The following CCDC171 variants were observed in gnomAD, a reference collection of about 807,000 sequenced individuals.
CCDC171 encodes coiled-coil domain containing 171, also known as coiled-coil domain-containing protein 171.
CCDC171 carries 177 observed loss-of-function variants against 168.2 expected under a neutral mutation model. The ratio of observed to expected loss-of-function variants is 1.05; its 90% CI spans 0.93 to 1.19. The LOEUF (loss-of-function observed/expected upper bound fraction) is 1.19, where lower values mean the gene tolerates loss of function less well. CCDC171 is among the 50% of genes most tolerant of loss of function. The pLI is 0.00. For synonymous variants in CCDC171, 687 were observed against 540.8 expected (o/e 1.27, Z -3.75); for missense variants, 1,991 against 1,539.0 (o/e 1.29, Z -4.91).
chr9:15,738,801 G>T (rs547331490), intron 16 of CCDC171, among the ~76,000 whole-genome samples: 1 of 151,902 alleles, frequency 6.6e-6, no homozygotes, highest in Non-Finnish European at 1.5e-5. Flanking sequence ...AATTACATTT[G>T]GAAATTTTGT....
At chr9:16,071,588 C>G in the CCDC171 span, among the ~76,000 whole-genome samples, 1 of 152,250 alleles carries the variant, frequency 6.6e-6, no homozygotes, top group Admixed American at 6.5e-5. Flanking sequence ...GCGTCATGCA[C>G]AAGCACACGA....
rs1028127638 is a variant in CCDC171 at position 15,842,947 on chromosome 9, T to G, written c.3268-3755T>G. Among the ~76,000 whole-genome samples, 5 of 152,028 alleles carry G rather than the reference T, an allele frequency of 3.3e-5. No individual in the cohort carries two copies. In the East Asian group the frequency reaches 9.6e-4, roughly 29 times the overall value. ...TAAGAAAAAATACATTGAAAAAATG[T>G]GTGGGTCATTTAATATTCACATTTA... is the stretch of plus-strand genomic sequence containing the variant. On this transcript the variant is annotated intron_variant, in intron 21 of 25. Coordinates refer to ENST00000380701, the MANE Select transcript of CCDC171 (RefSeq NM_173550.4).
At chr9:16,079,871 T>C in the CCDC171 span, among the ~76,000 whole-genome samples, 247 of 152,326 alleles carry the variant, frequency 1.6e-3, 2 homozygotes, top group African/African-American at 5.7e-3. Flanking sequence ...TTTATTCCTC[T>C]TAAGAATCCT....
rs60437156 is a variant in CCDC171, at chr9:15,652,296, T to A, written c.823-4831T>A. Reference sequence around the variant, plus strand: ...CAGCATCATTTAATGAAAAGATGAATCTTTTCCATTGAGTGGTGATGGCAC... The same window carrying A: ...CAGCATCATTTAATGAAAAGATGAAACTTTTCCATTGAGTGGTGATGGCAC... On this transcript the variant is annotated intron_variant, in intron 7 of 25. Coordinates refer to ENST00000380701, the MANE Select transcript of CCDC171 (RefSeq NM_173550.4). Among the ~76,000 whole-genome samples the A allele has an allele frequency of 3.8e-3, 578 of 152,342 alleles. 2 individuals are homozygous for A. Among genetic ancestry groups the A allele is most frequent in the African/African-American group, 0.014 (564 of 41,590 alleles).
Position 15,860,936 on chromosome 9 carries a change from A to ATGTGTGTGTGTGTGTGTGTGTG in CCDC171, c.3468+11994_3468+12015dup, listed in dbSNP as rs770617574. 8.1e-3 allele frequency among the ~76,000 whole-genome samples: 1,172 copies of ATGTGTGTGTGTGTGTGTGTGTG among 144,220 alleles called. 25 individuals are homozygous for ATGTGTGTGTGTGTGTGTGTGTG. Among genetic ancestry groups the ATGTGTGTGTGTGTGTGTGTGTG allele is most frequent in the South Asian group, 0.043 (189 of 4,396 alleles). The allele number at this position is 144,220 out of a possible 152,430, so 94.6% of individuals were successfully genotyped here. On this transcript the variant is annotated intron_variant, in intron 23 of 25. Coordinates refer to ENST00000380701, the MANE Select transcript of CCDC171 (RefSeq NM_173550.4). ...ATATTTAGGTGCTCTGTTGTTAGGGATGTGTGTGTGTGTGTGTGTGTGTGT... is the reference window on the plus strand; with the variant it reads ...ATATTTAGGTGCTCTGTTGTTAGGGATGTGTGTGTGTGTGTGTGTGTGTGTGTGTGTGTGTGTGTGTGTGTGT...
At chr9:16,005,880 A>G (rs1832680163) in intron 3 of CCDC171, among the ~76,000 whole-genome samples, 2 of 152,024 alleles carry the variant, frequency 1.3e-5, no homozygotes, top group Admixed American at 1.3e-4. Flanking sequence ...TTTATGTTTA[A>G]CCATTTGAGA....
chr9:16,083,795 A>G, the CCDC171 span, among the ~76,000 whole-genome samples: 1 of 152,088 alleles, frequency 6.6e-6, no homozygotes, highest in Admixed American at 6.6e-5. Context: ...CATCTAAGAG[A>G]TATTATTTTG....
At chr9:15,834,478 A>G (rs1252827413) in intron 21 of CCDC171, among the ~76,000 whole-genome samples, 13 of 152,200 alleles carry the variant, frequency 8.5e-5, no homozygotes, top group Non-Finnish European at 8.8e-5. Context: ...CTGTTATATC[A>G]CATCACTACT....
At position 15,600,556 on chromosome 9, in the gene CCDC171, G is replaced by C. The variant is rs1270568014; in HGVS notation, c.675+6384G>C. On this transcript the variant is annotated intron_variant, in intron 6 of 25. Transcript: ENST00000380701. The stretch of plus-strand genomic sequence containing the variant: ...TGTCAGTCTGCCCCTACTCAGGGGT[G>C]CCTCCCAGTTAGGCTACTCGGGGGT... 2.6e-5 allele frequency among the ~76,000 whole-genome samples: 4 copies of C among 152,144 alleles called. 1 individual carries two copies. The East Asian group carries it at 7.7e-4, about 29-fold the overall frequency.
chr9:15,623,367 T>C lies in CCDC171; in HGVS notation c.776T>C (p.Leu259Pro), dbSNP rs373672355. The C allele has an allele frequency of 3.1e-6, 5 of 1,612,248 alleles. No individual in the cohort carries two copies. The African/African-American group carries it at 5.3e-5, about 17-fold the overall frequency. The change falls in exon 7 of 26, where the codon CTT becomes CCT. Residue 259 changes from leucine (L) to proline (P), a missense_variant. Leu to Pro is a moderately conservative substitution (Grantham distance 98, BLOSUM62 -3). Coordinates refer to ENST00000380701, the MANE Select transcript of CCDC171 (RefSeq NM_173550.4). Reference protein sequence around the residue: ...SDLLRRQTSELEFSTQREERL... With the variant: ...SDLLRRQTSEPEFSTQREERL... ...CTTTTACGGCGACAAACAAGTGAAC[T>C]TGAATTTAGCACTCAACGAGAGGAA...
intron 1 of CCDC171, among the ~76,000 whole-genome samples, chr9:15,558,252 A>C (rs1178241947): frequency 1.3e-5 from 2 of 152,156 alleles, no homozygotes; most frequent in African/African-American, 4.8e-5. Flanking sequence ...CTGGCCTCAT[A>C]AAATGAATTA....
At chr9:15,996,116 A>G (rs1832362277) in intron 3 of CCDC171, among the ~76,000 whole-genome samples, 1 of 152,340 alleles carries the variant, frequency 6.6e-6, no homozygotes, top group South Asian at 2.1e-4. Context: ...ATAGGTAAAC[A>G]TAAATGATTC....
chr9:15,695,663 A>G (rs2133781785), intron 11 of CCDC171, among the ~76,000 whole-genome samples: 1 of 152,306 alleles, frequency 6.6e-6, no homozygotes, highest in South Asian at 2.1e-4. Context: ...AGATGTTTCG[A>G]TCAAACTGAG....
chr9:15,674,525 C>A (rs1002418935), intron 9 of CCDC171, among the ~76,000 whole-genome samples: 1 of 152,170 alleles, frequency 6.6e-6, no homozygotes, highest in South Asian at 2.1e-4. Flanking sequence ...CTACACACTT[C>A]CTTAACTATG....
the CCDC171 span, among the ~76,000 whole-genome samples, chr9:16,103,837 G>T: frequency 0.15 from 22,412 of 152,246 alleles, 1,828 homozygotes; most frequent in Non-Finnish European, 0.18. Flanking sequence ...GGACTCCGGG[G>T]GGGCTGGGGG....
At chr9:15,917,059 G>C (rs1017655362) in intron 24 of CCDC171, among the ~76,000 whole-genome samples, 1 of 151,956 alleles carries the variant, frequency 6.6e-6, no homozygotes, top group Non-Finnish European at 1.5e-5. Flanking sequence ...GTCGTAGAGG[G>C]TTAGACAGTC....
intron 3 of CCDC171, among the ~76,000 whole-genome samples, chr9:16,009,603 G>C (rs1832805285): frequency 1.3e-5 from 2 of 152,088 alleles, no homozygotes; most frequent in Admixed American, 1.3e-4. Flanking sequence ...TCACTTAGTA[G>C]TTCTAATTAT....
intron 23 of CCDC171, among the ~76,000 whole-genome samples, chr9:15,861,974 C>T (rs995284560): frequency 4.0e-5 from 6 of 151,774 alleles, no homozygotes; most frequent in Non-Finnish European, 5.9e-5. Context: ...TTTATGTTTC[C>T]TTCATTTTTA....
At chr9:15,906,052 A>G (rs1264508966) in intron 24 of CCDC171, among the ~76,000 whole-genome samples, 2 of 152,054 alleles carry the variant, frequency 1.3e-5, no homozygotes, top group Non-Finnish European at 2.9e-5. Context: ...ACCAAAAAAA[A>G]TCCAGGACCA....
Sources: allele counts gnomAD v4.1 joint callset (sites outside exome capture counted in the v4.1 genomes callset), GRCh38; gene constraint gnomAD v4.1.1; transcripts MANE v1.5; gene names NCBI Gene and HGNC (gene_info 2026-07-23, HGNC 2026-07-21).